OGDHL: variants seen among roughly 807,000 people sequenced by gnomAD.
OGDHL encodes oxoglutarate dehydrogenase L, also known as 2-oxoglutarate dehydrogenase-like, mitochondrial.
Under a neutral mutation model 109.6 loss-of-function variants are expected in OGDHL, and 79 were observed. That is an observed-to-expected ratio of 0.72 (90% CI 0.60 to 0.87). The LOEUF (loss-of-function observed/expected upper bound fraction) is 0.87. Among genes scored for constraint, OGDHL ranks in the 40% least tolerant of loss-of-function variants. OGDHL has a pLI of 0.00. For synonymous variants in OGDHL, 528 were observed against 537.2 expected, an observed-to-expected ratio of 0.98 and a Z score of 0.24; for missense variants, 1,275 against 1,362.2, an observed-to-expected ratio of 0.94 and a Z score of 1.01.
intron 1 of OGDHL, among the ~76,000 whole-genome samples, chr10:49,760,351 C>G (rs1047660767): frequency 2.6e-5 from 4 of 152,198 alleles, no homozygotes; most frequent in Non-Finnish European, 5.9e-5. Flanking sequence ...CTGGGAGCAG[C>G]ACCTCTCCAA....
At position 49,735,309 on chromosome 10, in the gene OGDHL, G is replaced by A; in HGVS notation, c.2952C>T (p.Asn984=). The part of the protein sequence containing the change: ...RDPAAAPATG[N]RNTHLVSLKK... ...TCAGTGACACCAGGTGAGTGTTCCT[G>A]TTTCCTGTGGCTGGTGCAGCCGCTG... Residue 984 remains asparagine (N), a synonymous_variant, in exon 23 of 23, where the codon AAC becomes AAT. Transcript: ENST00000374103. 6.2e-7 allele frequency: 1 copy of A among 1,614,084 alleles called. No individual in the cohort carries two copies. The highest frequency in any genetic ancestry group is 8.5e-7 in the Non-Finnish European group (1 of 1,180,018).
chr10:49,746,911 G>A lies in OGDHL; in HGVS notation c.1168-33C>T, dbSNP rs200437643. ...GCAGGTGTGAGCCAGGAGGGGCTGCGTGCCCCAGCCCATGTAGCCCAGCCG... is the reference window on the plus strand; with the variant it reads ...GCAGGTGTGAGCCAGGAGGGGCTGCATGCCCCAGCCCATGTAGCCCAGCCG... On this transcript the variant is annotated intron_variant, in intron 9 of 22. Coordinates refer to ENST00000374103, the MANE Select transcript of OGDHL (RefSeq NM_018245.3). 152 of 1,613,582 alleles carry A rather than the reference G, an allele frequency of 9.4e-5. No individual in the cohort carries two copies. The East Asian group carries it at 1.6e-3, about 17-fold the overall frequency.
chr10:49,759,360 C>T (rs1327056284), intron 1 of OGDHL, among the ~76,000 whole-genome samples: 4 of 152,112 alleles, frequency 2.6e-5, no homozygotes, highest in Admixed American at 2.0e-4. Context: ...AGACAGCTAA[C>T]AGTCCAGGCA....
chr10:49,739,152 T>C (rs1841447509), intron 17 of OGDHL: 1 of 153,146 alleles, frequency 6.5e-6, no homozygotes, highest in African/African-American at 2.4e-5. Flanking sequence ...CCTTCCTCCC[T>C]TCCTGCTAGC....
Position 49,744,057 on chromosome 10 carries a change from T to G in OGDHL, c.1798A>C (p.Met600Leu), listed in dbSNP as rs771177828. The change falls in exon 14 of 23, where the codon ATG becomes CTG. Residue 600 changes from methionine (M) to leucine (L), a missense_variant. Transcript: ENST00000374103. ...TCPATGIPED[M>L]LTHIGSVASS... ...GCCACACTGCCGATGTGGGTGAGCA[T>G]GTCCTCAGGGATCCCCGTGGCTGGG... 25 of 1,614,156 alleles carry G rather than the reference T, an allele frequency of 1.5e-5. 1 individual carries two copies. The Admixed American group carries it at 2.7e-4, about 17-fold the overall frequency.
chr10:49,743,432 C>T (rs1659305), intron 14 of OGDHL: 68,256 of 175,306 alleles, frequency 0.39, 16,140 homozygotes, highest in East Asian at 0.87. Flanking sequence ...CTCAGAACTC[C>T]CCCAGGTGGG....
rs752717485 is a variant in OGDHL at position 49,752,155 on chromosome 10, C to T, written c.572G>A (p.Arg191Gln). Residue 191 changes from arginine (R) to glutamine (Q), a missense_variant, in exon 5 of 23, where the codon CGG (arginine) becomes CAG (glutamine). Physicochemically the swap from Arg to Gln is conservative, Grantham distance 43. Transcript: ENST00000374103. Reference sequence around the variant, plus strand: ...CACCTCCAGGCGCCGAATGATCTCCCGCAGAGAGAGGGTGTTTTCAGAGCC... The same window carrying T: ...CACCTCCAGGCGCCGAATGATCTCCTGCAGAGAGAGGGTGTTTTCAGAGCC... The part of the protein sequence containing the change: ...IGGSENTLSL[R>Q]EIIRRLENTY... The T allele has an allele frequency of 3.4e-5, 55 of 1,613,964 alleles. No homozygotes were observed. The highest frequency in any genetic ancestry group is 3.3e-5 in the South Asian group (3 of 91,076).
At chr10:49,743,863 T>G (rs1841979897) in intron 14 of OGDHL, 131 bp downstream of exon 14, 1 of 1,155,712 alleles carries the variant, frequency 8.7e-7, no homozygotes, top group South Asian at 1.6e-5. Flanking sequence ...TGCCGAGAGC[T>G]ACGTGGACCC....
Position 49,758,633 on chromosome 10 carries a change from C to T in OGDHL, c.-1-40G>A, listed in dbSNP as rs528732474. 207 of 1,598,120 alleles carry T rather than the reference C, an allele frequency of 1.3e-4. No individual in the cohort carries two copies. In the South Asian group the frequency reaches 2.2e-3, roughly 17 times the overall value. On this transcript the variant is annotated intron_variant, in intron 1 of 22. Coordinates refer to ENST00000374103, the MANE Select transcript of OGDHL (RefSeq NM_018245.3). ...TGAAGGAGAGGCATAAATGGCAGGA[C>T]CAAGACAGGAAGAGGCTCTACCAAG...
In OGDHL at chr10:49,758,369, G is replaced by A. The variant is rs770860487; in HGVS notation, c.204+20C>T. 4 of 1,595,388 alleles carry A rather than the reference G, an allele frequency of 2.5e-6. No individual in the cohort carries two copies. The highest frequency in any genetic ancestry group is 1.3e-5 in the African/African-American group (1 of 74,714). ...GCTTCCCTCCCTTGCGGTGGCCCAG[G>A]GTAGGGTGGGGATGCTGACCTTGTG... On this transcript the variant is annotated intron_variant, in intron 2 of 22. Transcript: ENST00000374103.
chr10:49,746,992 G>A (rs771884635), intron 9 of OGDHL, 37 bp downstream of exon 9: 8 of 1,609,658 alleles, frequency 5.0e-6, no homozygotes, highest in Non-Finnish European at 6.8e-6. Flanking sequence ...CCACCCTGAA[G>A]GGCCCAGGTC....
intron 8 of OGDHL, among the ~76,000 whole-genome samples, chr10:49,748,937 G>A (rs1460052559): frequency 6.6e-6 from 1 of 152,206 alleles, no homozygotes; most frequent in Non-Finnish European, 1.5e-5. Flanking sequence ...GCCGGAAGCG[G>A]TGGCTCCATG....
chr10:49,758,394 G>T lies in OGDHL; in HGVS notation c.199C>A (p.His67Asn). ...FAWLENPQSV[H>N]KSWDSFFREA... Reference sequence around the variant, plus strand: ...GGTAGGGTGGGGATGCTGACCTTGTGGACACTCTGGGGGTTTTCCAACCAG... The same window carrying T: ...GGTAGGGTGGGGATGCTGACCTTGTTGACACTCTGGGGGTTTTCCAACCAG... The change falls in exon 2 of 23, where the codon CAC (histidine) becomes AAC (asparagine). Residue 67 changes from histidine (H) to asparagine (N), a missense_variant. Coordinates refer to ENST00000374103, the MANE Select transcript of OGDHL (RefSeq NM_018245.3). 1 of 1,609,366 alleles carries T rather than the reference G, an allele frequency of 6.2e-7. No individual in the cohort carries two copies. The highest frequency in any genetic ancestry group is 8.5e-7 in the Non-Finnish European group (1 of 1,177,060).
chr10:49,746,697 G>T, intron 10 of OGDHL, 53 bp downstream of exon 10: 2 of 1,602,684 alleles, frequency 1.2e-6, no homozygotes, highest in Admixed American at 1.7e-5. Context: ...CTACTGCCTG[G>T]ATTTCCAGGG....
chr10:49,745,781 T>C lies in OGDHL; in HGVS notation c.1476+17A>G. The C allele has an allele frequency of 6.2e-7, 1 of 1,611,130 alleles. No homozygotes were observed. Among genetic ancestry groups the C allele is most frequent in the Admixed American group, 1.7e-5 (1 of 59,990 alleles). The stretch of plus-strand genomic sequence containing the variant: ...TGGGCCACCCACCCATGCCTTGGCC[T>C]CAGTCCCCAGACCCACCAGGTCCAC... On this transcript the variant is annotated intron_variant, in intron 11 of 22. Transcript: ENST00000374103.
chr10:49,735,476 C>T (rs1240421952), intron 22 of OGDHL, 125 bp from the exon 23 acceptor site: 1 of 1,143,594 alleles, frequency 8.7e-7, no homozygotes, highest in Non-Finnish European at 1.2e-6. Context: ...TAGACCCTGC[C>T]TTTTGGCCCT....
At chr10:49,738,509 C>A (rs1020745684) in intron 17 of OGDHL, 20 of 551,502 alleles carry the variant, frequency 3.6e-5, no homozygotes, top group Admixed American at 6.2e-5. Flanking sequence ...AAGCAAAAAG[C>A]CCGCACTGAG....
intron 8 of OGDHL, among the ~76,000 whole-genome samples, chr10:49,748,641 G>T (rs1295284103): frequency 1.3e-5 from 2 of 152,026 alleles, no homozygotes; most frequent in African/African-American, 4.8e-5. Context: ...TTTTATCCCT[G>T]TTTTATGGAA....
intron 14 of OGDHL, chr10:49,743,485 T>G (rs1590709594): frequency 6.0e-6 from 1 of 167,140 alleles, no homozygotes; most frequent in Middle Eastern, 2.9e-3. Flanking sequence ...CAGGGGACCC[T>G]CCGGACTTCC....
Sources: gnomAD v4.1 joint callset for allele counts (sites outside exome capture counted in the v4.1 genomes callset) on GRCh38, gnomAD v4.1.1 for gene constraint, MANE v1.5 for transcripts, NCBI Gene and HGNC (gene_info 2026-07-23, HGNC 2026-07-21) for gene names.